Variants in FBXO31 observed in about 807,000 individuals in gnomAD.
FBXO31 encodes F-box only protein 31.
A neutral mutation model predicts 54.4 loss-of-function variants in FBXO31; 24 were observed. The ratio of observed to expected loss-of-function variants is 0.44; its 90% CI spans 0.32 to 0.62. FBXO31 has a LOEUF of 0.62. Among genes scored for constraint, FBXO31 ranks in the 20% least tolerant of loss-of-function variants. The pLI is 0.05. For synonymous variants in FBXO31, 388 were observed against 335.6 expected (o/e 1.16, Z -1.71); for missense variants, 665 against 787.1 (o/e 0.84, Z 1.86).
intron 1 of FBXO31, among the ~76,000 whole-genome samples, chr16:87,379,685 C>T (rs545611759): frequency 3.4e-4 from 51 of 152,100 alleles, no homozygotes; most frequent in African/African-American, 1.1e-3. Flanking sequence ...GTGGGACAGA[C>T]CCGGCAATTC....
chr16:87,363,974 G>C (rs1295860090), intron 1 of FBXO31, among the ~76,000 whole-genome samples: 3 of 152,342 alleles, frequency 2.0e-5, no homozygotes, highest in East Asian at 3.9e-4. Flanking sequence ...AAATGGGAGG[G>C]GGAAGGGGAA....
chr16:87,373,529 C>T (rs375262946), intron 1 of FBXO31, among the ~76,000 whole-genome samples: 4 of 134,400 alleles, frequency 3.0e-5, no homozygotes, highest in Non-Finnish European at 3.1e-5. Flanking sequence ...ATACCTGAAG[C>T]CAACTTTTCT....
intron 5 of FBXO31, among the ~76,000 whole-genome samples, chr16:87,337,272 C>T (rs997639019): frequency 6.6e-6 from 1 of 152,226 alleles, no homozygotes; most frequent in Non-Finnish European, 1.5e-5. Flanking sequence ...CACTAACCAC[C>T]GCTGAAAGGA....
chr16:87,358,180 C>A lies in FBXO31; in HGVS notation c.412+2115G>T, dbSNP rs1039822334. Among the ~76,000 whole-genome samples, 1 of 152,204 alleles carries A rather than the reference C, an allele frequency of 6.6e-6. No homozygotes were observed. On this transcript the variant is annotated intron_variant, in intron 2 of 8. Coordinates refer to ENST00000311635, the MANE Select transcript of FBXO31 (RefSeq NM_024735.5). The surrounding 1 kb of genome is among the most constrained non-coding windows in gnomAD (Gnocchi z 4.0). ...CTCGACTGGTAGTACCCAGAAACCA[C>A]TGCAGAAAGGTAAGCCAAATGCAGC...
chr16:87,350,460 G>T (rs1597367248), intron 2 of FBXO31, among the ~76,000 whole-genome samples: 1 of 152,164 alleles, frequency 6.6e-6, no homozygotes, highest in Admixed American at 6.5e-5. Context: ...AGTCAAGCCA[G>T]TCTTGTTACT....
chr16:87,361,974 A>C (rs1398805481), intron 1 of FBXO31, among the ~76,000 whole-genome samples: 1 of 152,142 alleles, frequency 6.6e-6, no homozygotes, highest in East Asian at 1.9e-4. Context: ...CTACATCCTA[A>C]ATCCAGTAGG....
Position 87,343,750 on chromosome 16 carries a change from T to A in FBXO31, c.505A>T (p.Ile169Phe). 6.2e-7 allele frequency: 1 copy of A among 1,614,188 alleles called. No individual in the cohort carries two copies. Among genetic ancestry groups the A allele is most frequent in the Non-Finnish European group, 8.5e-7 (1 of 1,180,022 alleles). The stretch of plus-strand genomic sequence containing the variant: ...GGAGGCAGGTACATCCACCCGATGA[T>A]GAACAGGCCGTCCACCTACAGGAGG... ...LLNVVVDGLFIIGWMYLPPHD... is the reference protein window; with the variant it reads ...LLNVVVDGLFFIGWMYLPPHD... Residue 169 changes from isoleucine (I) to phenylalanine (F), a missense_variant, in exon 4 of 9, where the codon ATC (isoleucine) becomes TTC (phenylalanine). By Grantham distance (21) the Ile-to-Phe change is conservative. Around this residue, in one of 4 missense-constraint regions of FBXO31, gnomAD observed 234 missense variants for 346.8 expected, o/e 0.67. Transcript: ENST00000311635.
In FBXO31 at chr16:87,342,969, C is replaced by A; in HGVS notation, c.658-18G>T. The A allele has an allele frequency of 3.8e-6, 6 of 1,594,500 alleles. No individual in the cohort carries two copies. Among genetic ancestry groups the A allele is most frequent in the Non-Finnish European group, 4.3e-6 (5 of 1,169,490 alleles). On this transcript the variant is annotated intron_variant, in intron 4 of 8. Coordinates refer to ENST00000311635, the MANE Select transcript of FBXO31 (RefSeq NM_024735.5). ...TTCACAATCTTCAGTGTTTGCAACA[C>A]AAGGAAAGAGAAGAGTGAGGAACAG...
intron 2 of FBXO31, 68 bp from the exon 3 acceptor site, chr16:87,347,318 C>A: frequency 1.5e-6 from 2 of 1,362,556 alleles, no homozygotes; most frequent in Non-Finnish European, 2.1e-6. Flanking sequence ...CCAGGAACCC[C>A]GAGAGGGAGG....
In FBXO31 at chr16:87,338,475, C is replaced by A. The variant is rs542827527; in HGVS notation, c.733-2211G>T. Among the ~76,000 whole-genome samples the A allele has an allele frequency of 9.3e-6, 1 of 106,978 alleles. No homozygotes were observed. Among genetic ancestry groups the A allele is most frequent in the Non-Finnish European group, 2.1e-5 (1 of 47,822 alleles). 70.2% of individuals were successfully genotyped at this position (106,978 alleles called of 152,430 possible). A position where few individuals can be genotyped will look rare whatever the true frequency, so the allele number is the denominator to read the frequency against. On this transcript the variant is annotated intron_variant, in intron 5 of 8. Coordinates refer to ENST00000311635, the MANE Select transcript of FBXO31 (RefSeq NM_024735.5). This position sits in a 1 kb window ranked among gnomAD's most constrained non-coding sequence, Gnocchi z 4.3. ...AGCCTCAGTCTTGGGGCGGGGGAGG[C>A]GGGCCTGAAACACACAGGGGTGGGA...
chr16:87,376,187 T>C (rs1204239912), intron 1 of FBXO31, among the ~76,000 whole-genome samples: 1 of 152,148 alleles, frequency 6.6e-6, no homozygotes, highest in Non-Finnish European at 1.5e-5. Context: ...ATCTGAAGCA[T>C]TAAAAGACAG....
At chr16:87,333,038 G>C (rs1031333968) in intron 8 of FBXO31, among the ~76,000 whole-genome samples, 5 of 152,176 alleles carry the variant, frequency 3.3e-5, no homozygotes, top group Non-Finnish European at 7.3e-5. Context: ...CTGAGGGCCT[G>C]GATTTTTCAT....
chr16:87,368,469 G>C (rs1352159352), intron 1 of FBXO31, among the ~76,000 whole-genome samples: 1 of 152,116 alleles, frequency 6.6e-6, no homozygotes, highest in African/African-American at 2.4e-5. Context: ...AGAAAGACTG[G>C]CAAGTGATAA....
intron 2 of FBXO31, among the ~76,000 whole-genome samples, chr16:87,356,628 C>T (rs1025521149): frequency 3.3e-5 from 5 of 152,226 alleles, no homozygotes; most frequent in African/African-American, 1.2e-4. Context: ...ACCAACTACA[C>T]GAAGGTCCCC....
In FBXO31 at chr16:87,383,473, G is replaced by C. The variant is rs1372918692; in HGVS notation, c.272C>G (p.Ala91Gly). Residue 91 changes from alanine to glycine, a missense_variant, in exon 1 of 9, where the codon GCC becomes GGC. Physicochemically the swap from Ala to Gly is moderately conservative, Grantham distance 60 (BLOSUM62 0). This residue lies in a region of FBXO31 where 195 missense variants were observed against 174.8 expected (regional missense o/e 1.12). Coordinates refer to ENST00000311635, the MANE Select transcript of FBXO31 (RefSeq NM_024735.5). The surrounding 1 kb of genome is among the most constrained non-coding windows in gnomAD (Gnocchi z 4.9). ...GCGCCGGAACTTCGTGCAGACCTGG[G>C]CCAAGCTGGGTAGGTCCGTGCCCGG... is the stretch of plus-strand genomic sequence containing the variant. The part of the protein sequence containing the change: ...SLPGTDLPSL[A>G]QVCTKFRRIL... The C allele has an allele frequency of 1.3e-6, 2 of 1,592,868 alleles. No individual in the cohort carries two copies. Among genetic ancestry groups the C allele is most frequent in the African/African-American group, 2.8e-5 (2 of 72,398 alleles).
At position 87,333,650 on chromosome 16, in the gene FBXO31, C is replaced by T. The variant is rs551765253; in HGVS notation, c.1397+236G>A. Among the ~76,000 whole-genome samples, 24 of 152,308 alleles carry T rather than the reference C, an allele frequency of 1.6e-4. No homozygotes were observed. The East Asian group carries it at 4.6e-3, about 29-fold the overall frequency. On this transcript the variant is annotated intron_variant, in intron 8 of 8. Transcript: ENST00000311635. ...CATGCCCCTGCAGCTCTGAGGTACC[C>T]CAGAAGGGGTGGAAGGACAGGAGCC...
chr16:87,379,047 T>C (rs139139950), intron 1 of FBXO31, among the ~76,000 whole-genome samples: 125 of 152,096 alleles, frequency 8.2e-4, no homozygotes, highest in African/African-American at 2.9e-3. Flanking sequence ...ACTGCCACAC[T>C]GCACCTAGTG....
chr16:87,375,825 T>C (rs1287336605), intron 1 of FBXO31, among the ~76,000 whole-genome samples: 1 of 152,118 alleles, frequency 6.6e-6, no homozygotes, highest in Non-Finnish European at 1.5e-5. Flanking sequence ...AGTACAGACA[T>C]GGCTTTCAGT....
chr16:87,383,497 G>A lies in FBXO31; in HGVS notation c.248C>T (p.Pro83Leu). Residue 83 changes from proline (P) to leucine (L), a missense_variant, in exon 1 of 9, where the codon CCG (proline) becomes CTG (leucine). Transcript: ENST00000311635. The surrounding 1 kb of genome is among the most constrained non-coding windows in gnomAD (Gnocchi z 4.9). Reference sequence around the variant, plus strand: ...GGCCAAGCTGGGTAGGTCCGTGCCCGGCAGCGACGCGAAGATCTCCACCAG... The same window carrying A: ...GGCCAAGCTGGGTAGGTCCGTGCCCAGCAGCGACGCGAAGATCTCCACCAG... ...ELLVEIFASL[P>L]GTDLPSLAQV... 1.3e-6 allele frequency: 2 copies of A among 1,587,706 alleles called. No homozygotes were observed. Among genetic ancestry groups the A allele is most frequent in the South Asian group, 1.1e-5 (1 of 87,546 alleles).
Sources: allele counts gnomAD v4.1 joint callset (sites outside exome capture counted in the v4.1 genomes callset), GRCh38; gene constraint gnomAD v4.1.1; regional missense constraint gnomAD v4.1.1; non-coding constraint Gnocchi (gnomAD v3.1); transcripts MANE v1.5; gene names NCBI Gene and HGNC (gene_info 2026-07-23, HGNC 2026-07-21).